Variants in ATRNL1 observed in about 807,000 individuals in gnomAD.
ATRNL1 encodes the protein attractin-like protein 1.
A neutral mutation model predicts 182.7 loss-of-function variants in ATRNL1; 95 were observed. That is an observed-to-expected ratio of 0.52 (90% CI 0.44 to 0.62). The LOEUF is 0.62. Among genes scored for constraint, ATRNL1 ranks in the 20% least tolerant of loss-of-function variants. ATRNL1 has a pLI of 0.00. For synonymous variants in ATRNL1, 576 were observed against 568.3 expected (o/e 1.01, Z -0.19); for missense variants, 1,471 against 1,679.5 (o/e 0.88, Z 2.17).
chr10:115,408,211 G>A (rs1364702479), intron 20 of ATRNL1, among the ~76,000 whole-genome samples: 1 of 151,246 alleles, frequency 6.6e-6, no homozygotes, highest in Non-Finnish European at 1.5e-5. Context: ...CACCTTGTTA[G>A]CCAGGATGGT....
intron 8 of ATRNL1, among the ~76,000 whole-genome samples, chr10:115,208,384 T>C (rs1464022365): frequency 6.6e-6 from 1 of 152,144 alleles, no homozygotes; most frequent in Non-Finnish European, 1.5e-5. Context: ...TTTAATTTTT[T>C]CATATGTTTT....
At chr10:115,221,387 A>G (rs1849458929) in intron 9 of ATRNL1, among the ~76,000 whole-genome samples, 1 of 152,174 alleles carries the variant, frequency 6.6e-6, no homozygotes, top group Non-Finnish European at 1.5e-5. Flanking sequence ...TTTTTAGTAG[A>G]TATGGTTACA....
At chr10:115,209,422 G>A (rs78142709) in intron 8 of ATRNL1, among the ~76,000 whole-genome samples, 11 of 119,258 alleles carry the variant, frequency 9.2e-5, no homozygotes, top group African/African-American at 3.4e-4. Context: ...TTTTTATTTT[G>A]TTTTTTTTTT....
intron 28 of ATRNL1, among the ~76,000 whole-genome samples, chr10:115,871,111 TGAA>T (rs1168530387): frequency 6.6e-6 from 1 of 152,156 alleles, no homozygotes; most frequent in Admixed American, 6.5e-5. Flanking sequence ...GTTCTGTCCT[TGAA>T]AAGTTTTTCT....
intron 21 of ATRNL1, among the ~76,000 whole-genome samples, chr10:115,436,203 G>A (rs1249665457): frequency 1.3e-5 from 2 of 151,978 alleles, no homozygotes; most frequent in African/African-American, 4.8e-5. Context: ...TCTTTCAAAT[G>A]AAACTAAATA....
intron 1 of ATRNL1, among the ~76,000 whole-genome samples, chr10:115,102,712 G>C (rs1419957539): frequency 6.6e-6 from 1 of 152,136 alleles, no homozygotes; most frequent in Non-Finnish European, 1.5e-5. Context: ...CTCCCAAAAT[G>C]CTAAGATTAG....
intron 28 of ATRNL1, among the ~76,000 whole-genome samples, chr10:115,938,310 A>G (rs1953623672): frequency 6.6e-6 from 1 of 152,198 alleles, no homozygotes; most frequent in African/African-American, 2.4e-5. Flanking sequence ...TAAATTCCTG[A>G]TGTTTCTCCT....
intron 1 of ATRNL1, among the ~76,000 whole-genome samples, chr10:115,095,457 T>TAA (rs1554862892): frequency 6.6e-6 from 1 of 152,068 alleles, no homozygotes; most frequent in Non-Finnish European, 1.5e-5. Flanking sequence ...AATGGCACTT[T>TAA]AAAATTTTAG....
chr10:115,399,872 G>C (rs115731996), intron 20 of ATRNL1, among the ~76,000 whole-genome samples: 3,901 of 152,010 alleles, frequency 0.026, 159 homozygotes, highest in African/African-American at 0.086. Context: ...TTAGGACATA[G>C]GCATGGACAA....
chr10:115,889,899 A>G (rs1952038597), intron 28 of ATRNL1, among the ~76,000 whole-genome samples: 1 of 152,216 alleles, frequency 6.6e-6, no homozygotes, highest in Admixed American at 6.5e-5. Context: ...TCCAAGGAAT[A>G]TATGTGTATT....
At chr10:115,218,499 C>T (rs566184882) in intron 9 of ATRNL1, among the ~76,000 whole-genome samples, 2 of 152,130 alleles carry the variant, frequency 1.3e-5, no homozygotes, top group Non-Finnish European at 2.9e-5. Flanking sequence ...GCAAATGGGT[C>T]GCGTATCCAT....
chr10:115,413,494 C>G (rs1845240311), intron 20 of ATRNL1, among the ~76,000 whole-genome samples: 1 of 152,096 alleles, frequency 6.6e-6, no homozygotes, highest in African/African-American at 2.4e-5. Context: ...ATAAACAAGA[C>G]CCTTCCTTTC....
At chr10:115,428,049 G>C (rs1845984387) in intron 21 of ATRNL1, among the ~76,000 whole-genome samples, 1 of 151,556 alleles carries the variant, frequency 6.6e-6, no homozygotes, top group Non-Finnish European at 1.5e-5. Flanking sequence ...TGGAATTATT[G>C]TATTTTTTAT....
chr10:115,212,435 G>T (rs1849067520), intron 8 of ATRNL1, among the ~76,000 whole-genome samples: 1 of 151,722 alleles, frequency 6.6e-6, no homozygotes, highest in Non-Finnish European at 1.5e-5. Flanking sequence ...GGAAGACACT[G>T]TGGTATTTCT....
At chr10:115,566,997 G>A (rs1854111955) in intron 26 of ATRNL1, among the ~76,000 whole-genome samples, 2 of 152,080 alleles carry the variant, frequency 1.3e-5, no homozygotes, top group South Asian at 4.2e-4. Flanking sequence ...TTTGTGGAAG[G>A]CATGGTAAAT....
chr10:115,908,681 TAGA>T (rs781836860), intron 28 of ATRNL1, among the ~76,000 whole-genome samples: 3 of 152,216 alleles, frequency 2.0e-5, no homozygotes, highest in Non-Finnish European at 4.4e-5. Flanking sequence ...AGGCAAAATC[TAGA>T]AGAACAGATT....
intron 1 of ATRNL1, among the ~76,000 whole-genome samples, chr10:115,113,036 A>G (rs1844325248): frequency 6.6e-6 from 1 of 152,208 alleles, no homozygotes; most frequent in Non-Finnish European, 1.5e-5. Flanking sequence ...GCATGACTTT[A>G]CCACTACAAT....
chr10:115,408,144 C>T (rs1844944698), intron 20 of ATRNL1, among the ~76,000 whole-genome samples: 1 of 151,460 alleles, frequency 6.6e-6, no homozygotes, highest in Non-Finnish European at 1.5e-5. Flanking sequence ...GCCGGGACTA[C>T]AGGCGCCCGC....
chr10:115,314,270 G>A (rs1248936933), intron 17 of ATRNL1, among the ~76,000 whole-genome samples: 1 of 152,068 alleles, frequency 6.6e-6, no homozygotes, highest in Non-Finnish European at 1.5e-5. Flanking sequence ...CCTCTCAAAG[G>A]ATTGACAACT....
Sources: allele counts gnomAD v4.1 joint callset (sites outside exome capture counted in the v4.1 genomes callset), GRCh38; gene constraint gnomAD v4.1.1; transcripts MANE v1.5; gene names NCBI Gene and HGNC (gene_info 2026-07-23, HGNC 2026-07-21).